The following MYO16 variants were observed in gnomAD, a reference collection of about 807,000 sequenced individuals.
MYO16 encodes unconventional myosin-XVI.
In MYO16, 94 loss-of-function variants were observed where a neutral mutation model predicts 205.3. The ratio of observed to expected loss-of-function variants is 0.46; its 90% CI spans 0.39 to 0.54. The LOEUF is 0.54. Among genes scored for constraint, MYO16 ranks in the 20% least tolerant of loss-of-function variants. The probability of loss-of-function intolerance (pLI) is 0.00; values close to 1 mark genes in which losing one functional copy is unlikely to be tolerated. For synonymous variants in MYO16, 988 were observed against 954.0 expected, an observed-to-expected ratio of 1.04 and a Z score of -0.66; for missense variants, 2,315 against 2,387.5, an observed-to-expected ratio of 0.97 and a Z score of 0.63.
intron 4 of MYO16, among the ~76,000 whole-genome samples, chr13:108,735,152 G>A (rs533038923): frequency 1.0e-3 from 155 of 152,194 alleles, no homozygotes; most frequent in African/African-American, 3.5e-3. Flanking sequence ...TAGGGTACAT[G>A]TGCACAACCT....
intron 2 of MYO16, among the ~76,000 whole-genome samples, chr13:108,695,311 T>A (rs7984522): frequency 1.3e-5 from 2 of 152,008 alleles, no homozygotes; most frequent in East Asian, 1.9e-4. Context: ...TTGGAACCCT[T>A]GTTGAAAATC....
intron 3 of MYO16, among the ~76,000 whole-genome samples, 191 bp from the exon 4 acceptor site, chr13:108,727,249 A>C (rs1353824452): frequency 6.6e-6 from 1 of 151,942 alleles, no homozygotes; most frequent in East Asian, 1.9e-4. Flanking sequence ...TCCTTGACCC[A>C]GTTCCCCAGA....
chr13:108,622,270 G>A (rs1319286999), intron 1 of MYO16, among the ~76,000 whole-genome samples: 2 of 152,116 alleles, frequency 1.3e-5, no homozygotes, highest in African/African-American at 4.8e-5. Context: ...TAGTCACATC[G>A]TGATGGTTGG....
chr13:109,008,144 A>G (rs946888338), intron 21 of MYO16, among the ~76,000 whole-genome samples: 2 of 152,206 alleles, frequency 1.3e-5, no homozygotes, highest in Non-Finnish European at 2.9e-5. Context: ...GTGCAAGTCC[A>G]TTCCTAGACT....
At chr13:108,552,647 A>G in the MYO16 span, among the ~76,000 whole-genome samples, 1 of 152,188 alleles carries the variant, frequency 6.6e-6, no homozygotes, top group Non-Finnish European at 1.5e-5. Flanking sequence ...AGTATCATCA[A>G]ATTTATACGT....
the MYO16 span, among the ~76,000 whole-genome samples, chr13:108,524,312 AAAT>A: frequency 0.034 from 13 of 380 alleles, no homozygotes; most frequent in South Asian, 0.25. Context: ...CTCCAAAAAA[AAAT>A]AAATAAATAA....
At chr13:108,677,500 T>C (rs1015931072) in intron 2 of MYO16, among the ~76,000 whole-genome samples, 9 of 151,628 alleles carry the variant, frequency 5.9e-5, no homozygotes, top group African/African-American at 2.2e-4. Flanking sequence ...TATATATACT[T>C]ACATATACCT....
At position 109,131,403 on chromosome 13, in the gene MYO16, T is replaced by A. The variant is rs567135632; in HGVS notation, c.4051+3853T>A. ...CTTCACCCAATAAAAATGGTTGTGG[T>A]GAAGGAAAACAGTACAGAGAGCAAT... On this transcript the variant is annotated intron_variant, in intron 31 of 34. Transcript: ENST00000457511. 3.9e-5 allele frequency among the ~76,000 whole-genome samples: 6 copies of A among 152,336 alleles called. No individual in the cohort carries two copies. The South Asian group carries it at 8.3e-4, about 21-fold the overall frequency.
chr13:108,743,084 A>G (rs532300969), intron 4 of MYO16, among the ~76,000 whole-genome samples: 1 of 152,356 alleles, frequency 6.6e-6, no homozygotes, highest in African/African-American at 2.4e-5. Context: ...GCACATTTTA[A>G]TAGTTGCATT....
chr13:109,148,955 T>C (rs561426992), intron 32 of MYO16, among the ~76,000 whole-genome samples: 1 of 152,246 alleles, frequency 6.6e-6, no homozygotes, highest in East Asian at 1.9e-4. Flanking sequence ...TCAGGGTGTG[T>C]GGTTCCTTTA....
At chr13:108,879,866 G>A (rs999605184) in intron 12 of MYO16, among the ~76,000 whole-genome samples, 9 of 152,060 alleles carry the variant, frequency 5.9e-5, no homozygotes, top group Non-Finnish European at 8.8e-5. Context: ...TAATCCTTTG[G>A]GTATATGCCC....
rs146226077 is a variant in MYO16, at chr13:108,894,951, A to G, written c.1660-3065A>G. 2.3e-3 allele frequency among the ~76,000 whole-genome samples: 352 copies of G among 152,336 alleles called. 4 individuals are homozygous for G. Among genetic ancestry groups the G allele is most frequent in the African/African-American group, 7.8e-3 (325 of 41,582 alleles). On this transcript the variant is annotated intron_variant, in intron 14 of 34. Transcript: ENST00000457511. ...ATGTTTCAGGAAGAAACTACCTGGA[A>G]CCTTCACCAACTCTGGTCCAAATGA...
chr13:109,159,581 G>T (rs952277037), intron 32 of MYO16, among the ~76,000 whole-genome samples: 3 of 152,312 alleles, frequency 2.0e-5, no homozygotes, highest in South Asian at 4.1e-4. Flanking sequence ...CATTGTATTT[G>T]CCCACATTCC....
the MYO16 span, among the ~76,000 whole-genome samples, chr13:108,528,429 G>A: frequency 1.3e-5 from 2 of 152,086 alleles, no homozygotes; most frequent in African/African-American, 4.8e-5. Context: ...AGGAGACATG[G>A]AGCTATCTGT....
At chr13:109,118,836 C>G (rs1207086513) in intron 28 of MYO16, among the ~76,000 whole-genome samples, 4 of 150,946 alleles carry the variant, frequency 2.6e-5, no homozygotes, top group Admixed American at 2.0e-4. Context: ...AATGGCAATA[C>G]AATGAAAAAA....
chr13:108,622,755 A>C (rs1879592853), intron 1 of MYO16, among the ~76,000 whole-genome samples: 2 of 152,054 alleles, frequency 1.3e-5, no homozygotes, highest in Non-Finnish European at 2.9e-5. Context: ...CTGATGGGAA[A>C]CATGAAGTCG....
chr13:108,948,286 C>T (rs182924924), intron 16 of MYO16, among the ~76,000 whole-genome samples: 78 of 152,266 alleles, frequency 5.1e-4, no homozygotes, highest in Non-Finnish European at 7.8e-4. Flanking sequence ...AATAGCTCTG[C>T]GCACAATAGA....
At chr13:108,535,177 A>G in the MYO16 span, among the ~76,000 whole-genome samples, 2 of 151,806 alleles carry the variant, frequency 1.3e-5, no homozygotes, top group East Asian at 3.9e-4. Flanking sequence ...TTTTTTTAGC[A>G]AAGAGGAAAC....
chr13:108,562,271 G>A, the MYO16 span, among the ~76,000 whole-genome samples: 1 of 152,058 alleles, frequency 6.6e-6, no homozygotes, highest in South Asian at 2.1e-4. Flanking sequence ...TCCCATTCAT[G>A]AGGGTTCTAC....
Sources: gnomAD v4.1 joint callset for allele counts (sites outside exome capture counted in the v4.1 genomes callset) on GRCh38, gnomAD v4.1.1 for gene constraint, MANE v1.5 for transcripts, NCBI Gene and HGNC (gene_info 2026-07-23, HGNC 2026-07-21) for gene names.